ATP8B1: variants seen among roughly 807,000 people sequenced by gnomAD.
ATP8B1 encodes the protein phospholipid-transporting ATPase IC.
ATP8B1 carries 80 observed loss-of-function variants against 149.9 expected under a neutral mutation model. The observed-to-expected ratio is 0.53, with a 90% CI of 0.45 to 0.64. The LOEUF is 0.64. Among genes scored for constraint, ATP8B1 ranks in the 30% least tolerant of loss-of-function variants. ATP8B1 has a pLI of 0.00. For missense variants in ATP8B1, 1,247 were observed against 1,552.6 expected (o/e 0.80, Z 3.31); for synonymous variants, 536 against 562.8 (o/e 0.95, Z 0.67).
At chr18:57,661,050 A>T in intron 22 of ATP8B1, 124 bp downstream of exon 22, 1 of 1,320,992 alleles carries the variant, frequency 7.6e-7, no homozygotes, top group South Asian at 1.3e-5. Flanking sequence ...TGACTTTATG[A>T]AACATCTGCT....
In ATP8B1 at chr18:57,711,742, G is replaced by A. The variant is rs7229306; in HGVS notation, c.182-5155C>T. Reference sequence around the variant, plus strand: ...TGGAGTAGCTGAGACTAAAGTGCACGCCATCGTACCTAATTTTTAAATTTT... The same window carrying A: ...TGGAGTAGCTGAGACTAAAGTGCACACCATCGTACCTAATTTTTAAATTTT... On this transcript the variant is annotated intron_variant, in intron 2 of 27. Transcript: ENST00000648908. Among the ~76,000 whole-genome samples the A allele has an allele frequency of 8.0e-3, 1,224 of 152,080 alleles. 27 individuals are homozygous for A. The highest frequency in any genetic ancestry group is 0.028 in the African/African-American group (1,163 of 41,466).
chr18:57,789,700 G>A (rs1056412260), intron 1 of ATP8B1, among the ~76,000 whole-genome samples: 1 of 152,130 alleles, frequency 6.6e-6, no homozygotes, highest in Non-Finnish European at 1.5e-5. Flanking sequence ...AGGCAACCCT[G>A]TATCAGCCCT....
intron 2 of ATP8B1, among the ~76,000 whole-genome samples, chr18:57,730,796 CATATACATATATATATATATAT>C (rs1198474109): frequency 2.2e-5 from 1 of 45,802 alleles, no homozygotes; most frequent in African/African-American, 9.1e-5. Context: ...CTGGGCAGAC[CATATACATATATATATATATAT>C]ATATATATAT....
chr18:57,693,970 G>A (rs1187086177), intron 11 of ATP8B1, among the ~76,000 whole-genome samples: 1 of 152,114 alleles, frequency 6.6e-6, no homozygotes, highest in African/African-American at 2.4e-5. Flanking sequence ...ACTTTTGGAA[G>A]CTTGTGCCTG....
intron 1 of ATP8B1, among the ~76,000 whole-genome samples, chr18:57,772,279 A>T (rs2080270100): frequency 6.6e-6 from 1 of 152,162 alleles, no homozygotes; most frequent in Non-Finnish European, 1.5e-5. Flanking sequence ...GCAGTCAATT[A>T]TACCTGATGA....
intron 1 of ATP8B1, among the ~76,000 whole-genome samples, chr18:57,743,664 G>C (rs77104820): frequency 1.4e-4 from 22 of 152,208 alleles, no homozygotes; most frequent in Non-Finnish European, 2.6e-4. Flanking sequence ...GCCCAGCACC[G>C]GCGCAGGTGG....
rs1234662859 is a variant in ATP8B1, at chr18:57,652,128, T to C, written c.3306A>G (p.Ser1102=). 6.2e-7 allele frequency: 1 copy of C among 1,614,076 alleles called. No individual in the cohort carries two copies. The highest frequency in any genetic ancestry group is 1.1e-5 in the South Asian group (1 of 91,084). The change falls in exon 26 of 28, where the codon TCA becomes TCG. Residue 1102 remains serine, a synonymous_variant. Coordinates refer to ENST00000648908, the MANE Select transcript of ATP8B1 (RefSeq NM_001374385.1). Reference sequence around the variant, plus strand: ...AATAAAGTGCAATGCTTCCAAAAATTGAAAAAGCATTCACAAAAGTCCAAT... The same window carrying C: ...AATAAAGTGCAATGCTTCCAAAAATCGAAAAAGCATTCACAAAAGTCCAAT... ...TSYWTFVNAF[S]IFGSIALYFG...
rs368838497 is a variant in ATP8B1, at chr18:57,724,206, C to T, written c.181+7421G>A. Among the ~76,000 whole-genome samples the T allele has an allele frequency of 1.7e-3, 250 of 145,312 alleles. 6 individuals are homozygous for T. The East Asian group carries it at 0.039, about 22-fold the overall frequency. On this transcript the variant is annotated intron_variant, in intron 2 of 27. Transcript: ENST00000648908. Reference sequence around the variant, plus strand: ...TAGGCATGGGCAAGGACTTCATGTCCAAAACACCAAAAGCAATGGCAACAA... The same window carrying T: ...TAGGCATGGGCAAGGACTTCATGTCTAAAACACCAAAAGCAATGGCAACAA...
At chr18:57,756,643 A>G (rs1009169224) in intron 1 of ATP8B1, among the ~76,000 whole-genome samples, 2 of 98,620 alleles carry the variant, frequency 2.0e-5, no homozygotes, top group African/African-American at 7.0e-5. Flanking sequence ...TTAAAAGAAT[A>G]TGGTATTCCT....
At chr18:57,712,048 CATAT>C (rs10622264) in intron 2 of ATP8B1, among the ~76,000 whole-genome samples, 2 of 144,342 alleles carry the variant, frequency 1.4e-5, no homozygotes. Context: ...CCTCTATTGG[CATAT>C]ATATATATAT....
At chr18:57,778,780 A>G (rs2080333510) in intron 1 of ATP8B1, among the ~76,000 whole-genome samples, 1 of 152,134 alleles carries the variant, frequency 6.6e-6, no homozygotes, top group Admixed American at 6.5e-5. Flanking sequence ...AAGTGAGAGC[A>G]TGAGAGAGCA....
Position 57,785,767 on chromosome 18 carries a change from A to C in ATP8B1, c.-26+17231T>G, listed in dbSNP as rs559774745. On this transcript the variant is annotated intron_variant, in intron 1 of 27. Transcript: ENST00000648908. Reference sequence around the variant, plus strand: ...GTGATCCACATGCCTCAGCCTCCCAAAGTGTTGGGATTACAGGCATGAGCC... The same window carrying C: ...GTGATCCACATGCCTCAGCCTCCCACAGTGTTGGGATTACAGGCATGAGCC... 3.3e-5 allele frequency among the ~76,000 whole-genome samples: 5 copies of C among 152,270 alleles called. No individual in the cohort carries two copies. In the East Asian group the frequency reaches 9.7e-4, roughly 29 times the overall value.
intron 1 of ATP8B1, among the ~76,000 whole-genome samples, chr18:57,782,803 C>CTTTTT (rs79009229): frequency 0.02 from 1,829 of 90,874 alleles, 321 homozygotes; most frequent in East Asian, 0.083. Flanking sequence ...TAGTTTGTCT[C>CTTTTT]TTTTTTTTTT....
intron 18 of ATP8B1, chr18:57,668,742 C>A: frequency 1.9e-6 from 1 of 520,102 alleles, no homozygotes; most frequent in Non-Finnish European, 3.4e-6. Context: ...AAAACTTTTT[C>A]CCTAAAGGAT....
intron 11 of ATP8B1, among the ~76,000 whole-genome samples, chr18:57,693,058 C>A (rs1292434353): frequency 2.6e-5 from 4 of 152,126 alleles, no homozygotes; most frequent in Non-Finnish European, 4.4e-5. Flanking sequence ...TGGATAACCA[C>A]AACCATGACA....
intron 2 of ATP8B1, among the ~76,000 whole-genome samples, chr18:57,715,259 T>G (rs1462022226): frequency 6.6e-6 from 1 of 152,054 alleles, no homozygotes; most frequent in African/African-American, 2.4e-5. Context: ...ATACCAGGAT[T>G]GAATAAGTGG....
At chr18:57,708,156 T>TGAAA (rs1302454167) in intron 2 of ATP8B1, among the ~76,000 whole-genome samples, 1 of 58,636 alleles carries the variant, frequency 1.7e-5, no homozygotes, top group Non-Finnish European at 3.3e-5. Flanking sequence ...AAACTCTGTC[T>TGAAA]CAAAAAAAAA....
In ATP8B1 at chr18:57,691,888, G is replaced by T; in HGVS notation, c.1139C>A (p.Thr380Lys). The change falls in exon 12 of 28, where the codon ACA (threonine) becomes AAA (lysine). Residue 380 changes from threonine to lysine, a missense_variant. Thr to Lys is a moderately conservative substitution (Grantham distance 78). Transcript: ENST00000648908. ...SWYLYDGEDDTPSYRGFLIFW... is the reference protein window; with the variant it reads ...SWYLYDGEDDKPSYRGFLIFW... ...AATGAGGAATCCACGGTAGGAGGGT[G>T]TATCGTCTTCTCCATCATAGAGGTA... The T allele has an allele frequency of 6.2e-7, 1 of 1,614,170 alleles. No homozygotes were observed. Among genetic ancestry groups the T allele is most frequent in the East Asian group, 2.2e-5 (1 of 44,884 alleles).
rs114340397 is a variant in ATP8B1 at position 57,714,500 on chromosome 18, A to C, written c.182-7913T>G. Among the ~76,000 whole-genome samples, 997 of 144,776 alleles carry C rather than the reference A, an allele frequency of 6.9e-3. 14 individuals carry two copies. The highest frequency in any genetic ancestry group is 0.024 in the African/African-American group (953 of 39,828). 95.0% of individuals were successfully genotyped at this position (144,776 alleles called of 152,430 possible). On this transcript the variant is annotated intron_variant, in intron 2 of 27. Transcript: ENST00000648908. ...CTGACCCAGTACATTCTCAGTGGTG[A>C]TGGCCATATTGGTGCTTGTATCTCC...
Sources: allele counts gnomAD v4.1 joint callset (sites outside exome capture counted in the v4.1 genomes callset), GRCh38; gene constraint gnomAD v4.1.1; transcripts MANE v1.5; gene names NCBI Gene and HGNC (gene_info 2026-07-23, HGNC 2026-07-21).